The following CELF2 variants were observed in gnomAD, a reference collection of about 807,000 sequenced individuals.
CELF2 encodes the protein CUGBP Elav-like family member 2.
CELF2 carries 8 observed loss-of-function variants against 62.6 expected under a neutral mutation model. The observed-to-expected ratio is 0.13, with a 90% CI of 0.07 to 0.23. The LOEUF (loss-of-function observed/expected upper bound fraction) is 0.23, where lower values mean the gene tolerates loss of function less well. CELF2 is among the 10% of genes least tolerant of loss of function. The pLI is 1.00. For missense variants in CELF2, 333 were observed against 671.0 expected (o/e 0.50, Z 5.56); for synonymous variants, 258 against 250.0 (o/e 1.03, Z -0.30).
chr10:10,826,654 A>G (rs1017180154), intron 1 of CELF2, among the ~76,000 whole-genome samples: 29 of 152,214 alleles, frequency 1.9e-4, no homozygotes, highest in South Asian at 1.2e-3. Context: ...AGAAGGTTCT[A>G]TCTCTGAGAA....
chr10:11,255,603 C>A lies in CELF2; in HGVS notation c.404-2135C>A, dbSNP rs2078475577. 6.6e-6 allele frequency among the ~76,000 whole-genome samples: 1 copy of A among 152,224 alleles called. No individual in the cohort carries two copies. The highest frequency in any genetic ancestry group is 2.4e-5 in the African/African-American group (1 of 41,522). Reference sequence around the variant, plus strand: ...GGAATCGTGCCTTTCAACTTGTATTCCTTGGAGCCCTAGAGTTTCTGCGGT... The same window carrying A: ...GGAATCGTGCCTTTCAACTTGTATTACTTGGAGCCCTAGAGTTTCTGCGGT... On this transcript the variant is annotated intron_variant, in intron 4 of 12. Transcript: ENST00000633077. The surrounding 1 kb of genome is among the most constrained non-coding windows in gnomAD (Gnocchi z 5.5).
the CELF2 span, among the ~76,000 whole-genome samples, chr10:10,740,055 A>T: frequency 6.6e-6 from 1 of 151,650 alleles, no homozygotes; most frequent in Non-Finnish European, 1.5e-5. Flanking sequence ...ATTTTCTCTC[A>T]ATTCATAGAC....
the CELF2 span, among the ~76,000 whole-genome samples, chr10:10,484,440 C>G: frequency 6.8e-6 from 1 of 146,524 alleles, no homozygotes; most frequent in Non-Finnish European, 1.5e-5. Flanking sequence ...CCTCAGCCCC[C>G]CAAGGAGCTG....
At chr10:11,257,609 G>C (rs776727242) in intron 4 of CELF2, 129 bp from the exon 5 acceptor site, 1 of 959,748 alleles carries the variant, frequency 1.0e-6, no homozygotes, top group Non-Finnish European at 1.6e-6. Context: ...CTGGACGTCT[G>C]CAGAGTTGGC....
chr10:11,220,339 A>G lies in CELF2; in HGVS notation c.354+2832A>G, dbSNP rs1309210442. On this transcript the variant is annotated intron_variant, in intron 3 of 12. Coordinates refer to ENST00000633077, the MANE Select transcript of CELF2 (RefSeq NM_001326342.2). The surrounding 1 kb of genome is among the most constrained non-coding windows in gnomAD (Gnocchi z 4.4). ...ATGTTTGGAGTTTGCTTTCCTCTGT[A>G]TGCGCCATCTTTCTTTCTTGAGGGA... 1.3e-5 allele frequency among the ~76,000 whole-genome samples: 2 copies of G among 152,196 alleles called. No homozygotes were observed. The highest frequency in any genetic ancestry group is 1.3e-4 in the Admixed American group (2 of 15,280).
chr10:11,067,372 T>G (rs2068455556), intron 1 of CELF2, among the ~76,000 whole-genome samples: 1 of 152,236 alleles, frequency 6.6e-6, no homozygotes, highest in South Asian at 2.1e-4. Flanking sequence ...TGGGGAACTT[T>G]ATTTCTGAAT....
Position 10,941,550 on chromosome 10 carries a change from G to A in CELF2, c.89+21551G>A, listed in dbSNP as rs1592200418. Among the ~76,000 whole-genome samples, 5 of 152,188 alleles carry A rather than the reference G, an allele frequency of 3.3e-5. No homozygotes were observed. In the East Asian group the frequency reaches 7.7e-4, roughly 23 times the overall value. On this transcript the variant is annotated intron_variant, in intron 2 of 13. Transcript: ENST00000636488. ...GCTAACGCTGCACTTGGATCCTAGA[G>A]CCACTTTGCATCTGCCCAAATCAGC...
At chr10:10,521,154 C>A in the CELF2 span, among the ~76,000 whole-genome samples, 4 of 152,138 alleles carry the variant, frequency 2.6e-5, no homozygotes, top group Non-Finnish European at 5.9e-5. Flanking sequence ...CACAGGTATC[C>A]CCTGCTGTGT....
At chr10:11,189,713 C>G (rs955986441) in intron 2 of CELF2, among the ~76,000 whole-genome samples, 1 of 152,190 alleles carries the variant, frequency 6.6e-6, no homozygotes, top group Non-Finnish European at 1.5e-5. Flanking sequence ...CCATCTAGGC[C>G]AGAGGCAGAA....
At chr10:11,320,302 G>T (rs369452414) in intron 10 of CELF2, among the ~76,000 whole-genome samples, 1 of 152,124 alleles carries the variant, frequency 6.6e-6, no homozygotes, top group Non-Finnish European at 1.5e-5. Context: ...CCACCATCCC[G>T]TTCCCATCAG....
Position 11,202,901 on chromosome 10 carries a change from A to ATCTCTC in CELF2, c.272-14478_272-14473dup, listed in dbSNP as rs56373613. ...TGCCTGCCTTCCCACCCCCATCCTC[A>ATCTCTC]TCTCTCTCTCTCTCTCTCTCTCTCT... is the stretch of plus-strand genomic sequence containing the variant. On this transcript the variant is annotated intron_variant, in intron 2 of 12. Transcript: ENST00000633077. Among the ~76,000 whole-genome samples, 133 of 70,882 alleles carry ATCTCTC rather than the reference A, an allele frequency of 1.9e-3. 1 individual carries two copies. The East Asian group carries it at 0.021, about 11-fold the overall frequency. The allele number at this position is 70,882 out of a possible 152,430, so 46.5% of individuals were successfully genotyped here. A position where few individuals can be genotyped will look rare whatever the true frequency, so the allele number is the denominator to read the frequency against.
chr10:11,302,454 G>A lies in CELF2; in HGVS notation c.977-11685G>A, dbSNP rs2093853616. Among the ~76,000 whole-genome samples the A allele has an allele frequency of 6.6e-6, 1 of 152,236 alleles. No individual in the cohort carries two copies. The highest frequency in any genetic ancestry group is 1.5e-5 in the Non-Finnish European group (1 of 68,044). ...ATGCGGGCGAGGCTGTAACTTTACA[G>A]TAACGATCTTCTCCATTAAATGTGT... On this transcript the variant is annotated intron_variant, in intron 9 of 12. Transcript: ENST00000633077. The surrounding 1 kb of genome is among the most constrained non-coding windows in gnomAD (Gnocchi z 5.0).
chr10:11,208,518 G>A (rs976200356), intron 2 of CELF2, among the ~76,000 whole-genome samples: 2 of 152,220 alleles, frequency 1.3e-5, no homozygotes, highest in Non-Finnish European at 2.9e-5. Context: ...ACTCGGCAAG[G>A]CCTGCCTGTC....
intron 1 of CELF2, among the ~76,000 whole-genome samples, chr10:10,863,584 G>C (rs1036922934): frequency 1.3e-5 from 2 of 152,092 alleles, no homozygotes; most frequent in Admixed American, 6.5e-5. Context: ...GTATTAGGTT[G>C]ATGCAAAAGT....
At chr10:10,733,486 C>T in the CELF2 span, among the ~76,000 whole-genome samples, 1 of 151,856 alleles carries the variant, frequency 6.6e-6, no homozygotes, top group Admixed American at 6.6e-5. Context: ...TTAGGGCCAT[C>T]CAGGGATGGG....
chr10:10,463,852 A>AT, the CELF2 span, among the ~76,000 whole-genome samples: 59 of 151,032 alleles, frequency 3.9e-4, no homozygotes, highest in Non-Finnish European at 6.8e-4. Context: ...TGTAGTTTTT[A>AT]TTTTTTTATT....
chr10:11,141,009 C>T (rs755902373), intron 1 of CELF2, among the ~76,000 whole-genome samples: 1 of 152,172 alleles, frequency 6.6e-6, no homozygotes, highest in African/African-American at 2.4e-5. Context: ...GAAGGAGACC[C>T]TGTCTTAAAA....
the CELF2 span, among the ~76,000 whole-genome samples, chr10:10,684,831 C>T: frequency 6.6e-6 from 1 of 152,130 alleles, no homozygotes; most frequent in Non-Finnish European, 1.5e-5. Flanking sequence ...TTTGAAGCTC[C>T]TAAATCTGAG....
chr10:10,726,646 T>C, the CELF2 span, among the ~76,000 whole-genome samples: 1 of 152,206 alleles, frequency 6.6e-6, no homozygotes, highest in Non-Finnish European at 1.5e-5. Flanking sequence ...GAACTGGGAC[T>C]CAGATTTTCT....
Sources: gnomAD v4.1 joint callset for allele counts (sites outside exome capture counted in the v4.1 genomes callset) on GRCh38, gnomAD v4.1.1 for gene constraint, Gnocchi (gnomAD v3.1) non-coding constraint, MANE v1.5 for transcripts, NCBI Gene and HGNC (gene_info 2026-07-23, HGNC 2026-07-21) for gene names.